Variants in AGAP3 observed in about 807,000 individuals in gnomAD.
AGAP3 encodes arf-GAP with GTPase, ANK repeat and PH domain-containing protein 3.
A neutral mutation model predicts 96.9 loss-of-function variants in AGAP3; 24 were observed. That is an observed-to-expected ratio of 0.25 (90% confidence interval 0.18 to 0.35). AGAP3 has a LOEUF of 0.35. Ranked by LOEUF, AGAP3 falls within the 10% of genes least tolerant of loss-of-function variation. The pLI is 1.00. For synonymous variants in AGAP3, 563 were observed against 536.1 expected (o/e 1.05, Z -0.69); for missense variants, 876 against 1,254.2 (o/e 0.70, Z 4.55).
At chr7:151,102,357 C>T (rs1160969524) in intron 1 of AGAP3, among the ~76,000 whole-genome samples, 1 of 152,210 alleles carries the variant, frequency 6.6e-6, no homozygotes, top group Non-Finnish European at 1.5e-5. Flanking sequence ...CGCCACCCCA[C>T]ACTCCAGCAC....
chr7:151,127,950 T>C (rs116059317), intron 9 of AGAP3, among the ~76,000 whole-genome samples: 311 of 152,330 alleles, frequency 2.0e-3, no homozygotes, highest in African/African-American at 7.0e-3. Context: ...CTTTCGCTCA[T>C]TCTTCTAGCC....
At position 151,133,931 on chromosome 7, in the gene AGAP3, G is replaced by A. The variant is rs1442811205; in HGVS notation, c.1327-469G>A. On this transcript the variant is annotated intron_variant, in intron 10 of 17. Coordinates refer to ENST00000397238, the MANE Select transcript of AGAP3 (RefSeq NM_031946.7). The surrounding 1 kb of genome is among the most constrained non-coding windows in gnomAD (Gnocchi z 5.4). ...TGACAAGTGTTTATTATCAGACACT[G>A]TCCTAAGGGCTGGGACTATTCTAGG... is the stretch of plus-strand genomic sequence containing the variant. 3.9e-5 allele frequency among the ~76,000 whole-genome samples: 6 copies of A among 152,298 alleles called. No individual in the cohort carries two copies. Among genetic ancestry groups the A allele is most frequent in the African/African-American group, 1.2e-4 (5 of 41,560 alleles).
In AGAP3 at chr7:151,115,708, A is replaced by G. The variant is rs558574635; in HGVS notation, c.332-1085A>G. 503 of 997,468 alleles carry G rather than the reference A, an allele frequency of 5.0e-4. 3 individuals are homozygous for G. In the African/African-American group the frequency reaches 8.4e-3, roughly 17 times the overall value. The allele number at this position is 997,468 out of a possible 1,614,324, so 61.8% of individuals were successfully genotyped here. A position where few individuals can be genotyped will look rare whatever the true frequency, so the allele number is the denominator to read the frequency against. Reference sequence around the variant, plus strand: ...CGCGGGAGAAAAGCCGGACGCGCCCAGGGCAGGCGAGCTGCCGCGCGCGTC... The same window carrying G: ...CGCGGGAGAAAAGCCGGACGCGCCCGGGGCAGGCGAGCTGCCGCGCGCGTC... On this transcript the variant is annotated intron_variant, in intron 1 of 17. Coordinates refer to ENST00000397238, the MANE Select transcript of AGAP3 (RefSeq NM_031946.7).
intron 9 of AGAP3, among the ~76,000 whole-genome samples, chr7:151,125,871 TG>T (rs973238821): frequency 6.6e-6 from 1 of 152,232 alleles, no homozygotes; most frequent in Non-Finnish European, 1.5e-5. Context: ...ACGGGTCCTC[TG>T]GGGGCTGTCG....
intron 8 of AGAP3, chr7:151,120,961 A>G (rs1266423837): frequency 1.4e-6 from 1 of 706,664 alleles, no homozygotes; most frequent in Non-Finnish European, 1.8e-6. Flanking sequence ...CTTGGGCCAG[A>G]CAAAGGTGGG....
At chr7:151,095,758 G>A (rs1251968369) in intron 1 of AGAP3, among the ~76,000 whole-genome samples, 1 of 142,086 alleles carries the variant, frequency 7.0e-6, no homozygotes, top group East Asian at 2.2e-4. Flanking sequence ...CAGAGCCTTT[G>A]TTTGAGAAGA....
At position 151,114,879 on chromosome 7, in the gene AGAP3, G is replaced by GGCCGCGCTGCC. The variant is rs1238160406; in HGVS notation, c.332-1908_332-1898dup. 36 of 1,009,952 alleles carry GGCCGCGCTGCC rather than the reference G, an allele frequency of 3.6e-5. No homozygotes were observed. The highest frequency in any genetic ancestry group is 4.0e-5 in the Non-Finnish European group (34 of 848,890). The allele number at this position is 1,009,952 out of a possible 1,614,324, so 62.6% of individuals were successfully genotyped here. A position where few individuals can be genotyped will look rare whatever the true frequency, so the allele number is the denominator to read the frequency against. On this transcript the variant is annotated intron_variant, in intron 1 of 17. Transcript: ENST00000397238. This position sits in a 1 kb window ranked among gnomAD's most constrained non-coding sequence, Gnocchi z 4.4. ...GCTGGACCTGCACGGCGCCTCGGCCGGCCGCGCTGCCGCCGCCCTGCAGGC... is the reference window on the plus strand; with the variant it reads ...GCTGGACCTGCACGGCGCCTCGGCCGGCCGCGCTGCCGCCGCGCTGCCGCCGCCCTGCAGGC...
intron 1 of AGAP3, among the ~76,000 whole-genome samples, chr7:151,087,560 C>T (rs1390262031): frequency 6.6e-6 from 1 of 152,100 alleles, no homozygotes; most frequent in African/African-American, 2.4e-5. Flanking sequence ...GACGCACACC[C>T]CCTACGCCGC....
chr7:151,126,575 A>C (rs2150504366), intron 9 of AGAP3, among the ~76,000 whole-genome samples: 1 of 145,218 alleles, frequency 6.9e-6, no homozygotes, highest in South Asian at 2.3e-4. Flanking sequence ...GGCGGGGGGT[A>C]TTGGGGATGA....
In AGAP3 at chr7:151,120,628, C is replaced by T. The variant is rs1358688816; in HGVS notation, c.1128+483C>T. On this transcript the variant is annotated intron_variant, in intron 8 of 17. Coordinates refer to ENST00000397238, the MANE Select transcript of AGAP3 (RefSeq NM_031946.7). ...CCCCGTCGCCTTCCGGCTCTTTTTC[C>T]GTTACCCCACTGCCGAGGGGAAAAT... 10 of 1,292,026 alleles carry T rather than the reference C, an allele frequency of 7.7e-6. No homozygotes were observed. The African/African-American group carries it at 9.1e-5, about 12-fold the overall frequency. The allele number at this position is 1,292,026 out of a possible 1,614,324, so 80.0% of individuals were successfully genotyped here. A position where few individuals can be genotyped will look rare whatever the true frequency, so the allele number is the denominator to read the frequency against.
Position 151,118,722 on chromosome 7 carries a change from A to G in AGAP3, c.969+90A>G. 4 of 1,497,820 alleles carry G rather than the reference A, an allele frequency of 2.7e-6. No homozygotes were observed. Among genetic ancestry groups the G allele is most frequent in the Non-Finnish European group, 2.7e-6 (3 of 1,099,556 alleles). The allele number at this position is 1,497,820 out of a possible 1,614,324, so 92.8% of individuals were successfully genotyped here. A position where few individuals can be genotyped will look rare whatever the true frequency, so the allele number is the denominator to read the frequency against. ...TGCCACTTCTGCTGGCCTCCTGCTC[A>G]CACCTGTCCACCTTCCTCTGGCCTC... On this transcript the variant is annotated intron_variant, in intron 7 of 17. Coordinates refer to ENST00000397238, the MANE Select transcript of AGAP3 (RefSeq NM_031946.7). The surrounding 1 kb of genome is among the most constrained non-coding windows in gnomAD (Gnocchi z 6.1).
At chr7:151,099,818 T>G (rs919785399) in intron 1 of AGAP3, among the ~76,000 whole-genome samples, 3 of 152,306 alleles carry the variant, frequency 2.0e-5, no homozygotes, top group South Asian at 2.1e-4. Context: ...TAAGGTTTTT[T>G]TTGTTTGTTT....
In AGAP3 at chr7:151,143,132, C is replaced by T. The variant is rs936789402; in HGVS notation, c.2274-209C>T. 6.6e-6 allele frequency among the ~76,000 whole-genome samples: 1 copy of T among 152,238 alleles called. No individual in the cohort carries two copies. The highest frequency in any genetic ancestry group is 2.4e-5 in the African/African-American group (1 of 41,470). ...CTTCAGTGTCCCTTCCTTTCAGCTT[C>T]TCCCACCCCCCTTTCCATTACCCAC... On this transcript the variant is annotated intron_variant, in intron 16 of 17. Transcript: ENST00000397238. The surrounding 1 kb of genome is among the most constrained non-coding windows in gnomAD (Gnocchi z 5.9).
chr7:151,092,204 C>G (rs1205249608), intron 1 of AGAP3, among the ~76,000 whole-genome samples: 1 of 152,158 alleles, frequency 6.6e-6, no homozygotes, highest in Non-Finnish European at 1.5e-5. Context: ...CTTGTGAGCC[C>G]CCTACCAGCT....
intron 11 of AGAP3, among the ~76,000 whole-genome samples, chr7:151,137,139 C>G (rs943115626): frequency 2.6e-5 from 4 of 152,250 alleles, no homozygotes; most frequent in African/African-American, 9.6e-5. Flanking sequence ...GCTGCTGCAG[C>G]CTGGTGCCGT....
intron 1 of AGAP3, among the ~76,000 whole-genome samples, chr7:151,099,992 T>C (rs915889193): frequency 6.6e-6 from 1 of 152,210 alleles, no homozygotes; most frequent in Non-Finnish European, 1.5e-5. Flanking sequence ...GAGGTGCTCA[T>C]GGACTGTGCT....
In AGAP3 at chr7:151,141,756, G is replaced by A; in HGVS notation, c.1805-142G>A. On this transcript the variant is annotated intron_variant, in intron 13 of 17. Transcript: ENST00000397238. The surrounding 1 kb of genome is among the most constrained non-coding windows in gnomAD (Gnocchi z 4.2). ...GCCTCCCCCTGCAAGCTGTCCTGGA[G>A]TGTGTGGCCTTGCAGCTGGGGAAGG... 2 of 1,013,224 alleles carry A rather than the reference G, an allele frequency of 2.0e-6. No individual in the cohort carries two copies. Among genetic ancestry groups the A allele is most frequent in the Admixed American group, 4.0e-5 (2 of 50,214 alleles). 62.8% of individuals were successfully genotyped at this position (1,013,224 alleles called of 1,614,324 possible). A position where few individuals can be genotyped will look rare whatever the true frequency, so the allele number is the denominator to read the frequency against.
chr7:151,118,367 G>A lies in AGAP3; in HGVS notation c.841+23G>A. 1 of 1,602,102 alleles carries A rather than the reference G, an allele frequency of 6.2e-7. No homozygotes were observed. Among genetic ancestry groups the A allele is most frequent in the Non-Finnish European group, 8.5e-7 (1 of 1,170,770 alleles). On this transcript the variant is annotated intron_variant, in intron 6 of 17. Coordinates refer to ENST00000397238, the MANE Select transcript of AGAP3 (RefSeq NM_031946.7). The surrounding 1 kb of genome is among the most constrained non-coding windows in gnomAD (Gnocchi z 6.1). Reference sequence around the variant, plus strand: ...ACGGTAACTCGGGTGCCGGGTGGGAGTCACTGGCAGCCGCGGCCCCAGTGC... The same window carrying A: ...ACGGTAACTCGGGTGCCGGGTGGGAATCACTGGCAGCCGCGGCCCCAGTGC...
intron 10 of AGAP3, among the ~76,000 whole-genome samples, chr7:151,129,800 A>G (rs1800333554): frequency 6.6e-6 from 1 of 152,142 alleles, no homozygotes; most frequent in African/African-American, 2.4e-5. Flanking sequence ...ACAGAGGCAG[A>G]AAGTATCGTA....
Sources: gnomAD v4.1 joint callset for allele counts (sites outside exome capture counted in the v4.1 genomes callset) on GRCh38, gnomAD v4.1.1 for gene constraint, Gnocchi (gnomAD v3.1) non-coding constraint, MANE v1.5 for transcripts, NCBI Gene and HGNC (gene_info 2026-07-23, HGNC 2026-07-21) for gene names.